DPP7: variants seen among roughly 807,000 people sequenced by gnomAD.
DPP7 encodes the protein dipeptidyl peptidase 2.
A neutral mutation model predicts 58.8 loss-of-function variants in DPP7; 74 were observed. That is an observed-to-expected ratio of 1.26 (90% CI 1.04 to 1.53). The LOEUF (loss-of-function observed/expected upper bound fraction) is 1.53, where lower values mean the gene tolerates loss of function less well. DPP7 is among the 40% of genes most tolerant of loss of function. The pLI is 0.00. For synonymous variants in DPP7, 350 were observed against 303.6 expected (o/e 1.15, Z -1.59); for missense variants, 807 against 692.3 (o/e 1.17, Z -1.86).
chr9:137,116,649 T>G (rs772593875), upstream of DPP7, among the ~76,000 whole-genome samples: 1 of 152,160 alleles, frequency 6.6e-6, no homozygotes, highest in Admixed American at 6.5e-5. Flanking sequence ...AAAGACCTGA[T>G]CGTCCCCCAG....
At chr9:137,116,400 A>G (rs1831639309), upstream of DPP7, among the ~76,000 whole-genome samples, 2 of 152,270 alleles carry the variant, frequency 1.3e-5, no homozygotes, top group Non-Finnish European at 2.9e-5. Context: ...CTGTGCCCAC[A>G]GAAACATGTG....
rs556219967 is a variant in DPP7, at chr9:137,113,240, C to T, written c.669G>A (p.Ala223=). The stretch of plus-strand genomic sequence containing the variant: ...GGAACAAGTCCTTGATCTGTCGGAA[C>T]GCTTCCCGCACACCCTGGGTGCATT... ...SPKCTQGVRE[A]FRQIKDLFLQ... Residue 223 remains alanine, a synonymous_variant, in exon 6 of 13, where the codon GCG becomes GCA. Coordinates refer to ENST00000371579, the MANE Select transcript of DPP7 (RefSeq NM_013379.3). The T allele has an allele frequency of 1.5e-5, 24 of 1,613,764 alleles. No homozygotes were observed. Among genetic ancestry groups the T allele is most frequent in the African/African-American group, 2.7e-5 (2 of 75,020 alleles).
In DPP7 at chr9:137,111,772, A is replaced by C; in HGVS notation, c.1208-18T>G. On this transcript the variant is annotated intron_variant, in intron 10 of 12. Coordinates refer to ENST00000371579, the MANE Select transcript of DPP7 (RefSeq NM_013379.3). ...TCTGAGATCTGCAAGGGGCAGAGAA[A>C]GTTGTGATGTGGGCCCCTCACGGGG... is the stretch of plus-strand genomic sequence containing the variant. 1 of 1,613,704 alleles carries C rather than the reference A, an allele frequency of 6.2e-7. No homozygotes were observed. The highest frequency in any genetic ancestry group is 8.5e-7 in the Non-Finnish European group (1 of 1,179,988).
chr9:137,110,661 CTG>C lies in DPP7; in HGVS notation c.1464_1465del (p.Arg489ThrfsTer?). 1 of 1,609,408 alleles carries C rather than the reference CTG, an allele frequency of 6.2e-7. No individual in the cohort carries two copies. Among genetic ancestry groups the C allele is most frequent in the Non-Finnish European group, 8.5e-7 (1 of 1,179,914 alleles). On this transcript the variant is annotated frameshift_variant, in exon 13 of 13. Transcript: ENST00000371579. LOFTEE classifies it high-confidence loss of function. ...CCAGTCCTGTGCTCAGAGGCTGAGT[CTG>C]GGCCCCCCACGCAGAGCTGGCTGCT...
Position 137,113,420 on chromosome 9 carries a change from G to A in DPP7, c.562C>T (p.Pro188Ser). Reference sequence around the variant, plus strand: ...CCGAGGCCTGCCACAGCTAGAACGGGCGCGCTGGCCGCCAGCGCCCCCGCC... The same window carrying A: ...CCGAGGCCTGCCACAGCTAGAACGGACGCGCTGGCCGCCAGCGCCCCCGCC... ...LVAGALAASA[P>S]VLAVAGLGDS... The change falls in exon 5 of 13, where the codon CCC (proline) becomes TCC (serine). Residue 188 changes from proline (P) to serine (S), a missense_variant. Pro to Ser is a moderately conservative substitution (Grantham distance 74). Transcript: ENST00000371579. 4 of 1,607,134 alleles carry A rather than the reference G, an allele frequency of 2.5e-6. No individual in the cohort carries two copies. Among genetic ancestry groups the A allele is most frequent in the Non-Finnish European group, 3.4e-6 (4 of 1,175,854 alleles).
chr9:137,114,678 C>T lies in DPP7; in HGVS notation c.36G>A (p.Leu12=). The T allele has an allele frequency of 7.4e-7, 1 of 1,357,484 alleles. No individual in the cohort carries two copies. Among genetic ancestry groups the T allele is most frequent in the Non-Finnish European group, 9.5e-7 (1 of 1,056,896 alleles). 84.1% of individuals were successfully genotyped at this position (1,357,484 alleles called of 1,614,324 possible). A position where few individuals can be genotyped will look rare whatever the true frequency, so the allele number is the denominator to read the frequency against. Residue 12 remains leucine (L), a synonymous_variant, in exon 1 of 13, where the codon CTG becomes CTA. Coordinates refer to ENST00000371579, the MANE Select transcript of DPP7 (RefSeq NM_013379.3). ...CCTGGAGGCCGCGCAGCCCGAGCGC[C>T]AGCAGCAGGACCGGGGCCCAGGGAG... The part of the protein sequence containing the change: ...GSAPWAPVLL[L]ALGLRGLQAG...
At chr9:137,114,164 G>A (rs1831525480) in intron 3 of DPP7, 79 bp downstream of exon 3, 1 of 423,632 alleles carries the variant, frequency 2.4e-6, no homozygotes, top group Non-Finnish European at 3.1e-6. Context: ...GCACCCGCGT[G>A]CCCCGCGACC....
Position 137,112,736 on chromosome 9 carries a change from G to A in DPP7, c.931+9C>T, listed in dbSNP as rs756858445. On this transcript the variant is annotated intron_variant, in intron 8 of 12. Coordinates refer to ENST00000371579, the MANE Select transcript of DPP7 (RefSeq NM_013379.3). ...CACACTTGCCCATCTGGGGCCGGGG[G>A]AAGGGCACCTGCCAGTGCTCGCAGC... is the stretch of plus-strand genomic sequence containing the variant. 12 of 1,596,986 alleles carry A rather than the reference G, an allele frequency of 7.5e-6. No homozygotes were observed. In the African/African-American group the frequency reaches 8.0e-5, roughly 11 times the overall value.
In DPP7 at chr9:137,111,881, C is replaced by A. The variant is rs758365401; in HGVS notation, c.1199G>T (p.Trp400Leu). The change falls in exon 10 of 13, where the codon TGG becomes TTG. Residue 400 changes from tryptophan (W) to leucine (L), a missense_variant. By Grantham distance (61) the Trp-to-Leu change is moderately conservative. Coordinates refer to ENST00000371579, the MANE Select transcript of DPP7 (RefSeq NM_013379.3). Reference protein sequence around the residue: ...PRPDWLLTSFWGGDLRAASNI... With the variant: ...PRPDWLLTSFLGGDLRAASNI... ...CCCCCCCTCAGCCTTACCACCCCCC[C>A]AGAAGCTGGTCAGCAGCCAGTCGGG... 1 of 1,609,142 alleles carries A rather than the reference C, an allele frequency of 6.2e-7. No homozygotes were observed. The highest frequency in any genetic ancestry group is 2.2e-5 in the East Asian group (1 of 44,806).
At chr9:137,115,373 C>T (rs868604349), upstream of DPP7, among the ~76,000 whole-genome samples, 179 of 152,304 alleles carry the variant, frequency 1.2e-3, 1 homozygote, top group African/African-American at 3.7e-3. Context: ...CTGCTGGGAG[C>T]TGGGGCCTCC....
At position 137,111,954 on chromosome 9, in the gene DPP7, C is replaced by G. The variant is rs916095987; in HGVS notation, c.1126G>C (p.Glu376Gln). 2 of 1,612,976 alleles carry G rather than the reference C, an allele frequency of 1.2e-6. No homozygotes were observed. The highest frequency in any genetic ancestry group is 1.1e-5 in the South Asian group (1 of 91,052). ...DMFPDLPFTD[E>Q]LRQRYCLDTW... ...TCCAGGCAGTACCGCTGGCGGAGCT[C>G]GTCAGTGAAGGGCAGGTCCGGGAAC... is the stretch of plus-strand genomic sequence containing the variant. Residue 376 changes from glutamate (E) to glutamine (Q), a missense_variant, in exon 10 of 13, where the codon GAG (glutamate) becomes CAG (glutamine). Glu to Gln is a conservative substitution (Grantham distance 29, BLOSUM62 2). This residue lies in a region of DPP7 where 624 missense variants were observed against 531.2 expected (regional missense o/e 1.17). Transcript: ENST00000371579.
rs775982764 is a variant in DPP7 at position 137,113,424 on chromosome 9, G to A, written c.558C>T (p.Ser186=). ...PHLVAGALAA[S]APVLAVAGLG... is the part of the protein sequence containing the mutation. ...GGCCTGCCACAGCTAGAACGGGCGC[G>A]CTGGCCGCCAGCGCCCCCGCCACCA... The change falls in exon 5 of 13, where the codon AGC becomes AGT. Residue 186 remains serine, a synonymous_variant. Transcript: ENST00000371579. The A allele has an allele frequency of 8.7e-6, 14 of 1,606,504 alleles. No homozygotes were observed. The highest frequency in any genetic ancestry group is 6.6e-5 in the South Asian group (6 of 90,838).
upstream of DPP7, among the ~76,000 whole-genome samples, chr9:137,116,494 A>C (rs566627814): frequency 1.2e-4 from 18 of 152,362 alleles, no homozygotes; most frequent in African/African-American, 4.3e-4. Context: ...TATGCTTGGT[A>C]AAAGTCATCG....
At chr9:137,115,705 C>T (rs969839948), upstream of DPP7, among the ~76,000 whole-genome samples, 5 of 152,054 alleles carry the variant, frequency 3.3e-5, no homozygotes, top group African/African-American at 1.2e-4. Flanking sequence ...CACAGAGGCA[C>T]CCCCCATGGT....
chr9:137,114,452 C>G lies in DPP7; in HGVS notation c.181+11G>C. 1 of 1,559,458 alleles carries G rather than the reference C, an allele frequency of 6.4e-7. No individual in the cohort carries two copies. Among genetic ancestry groups the G allele is most frequent in the Non-Finnish European group, 8.7e-7 (1 of 1,152,958 alleles). ...ACGGCGGGGGCGGCCGGGCCGGGGCCGGGGTCTCACCCGACACCAGGAAGC... is the reference window on the plus strand; with the variant it reads ...ACGGCGGGGGCGGCCGGGCCGGGGCGGGGGTCTCACCCGACACCAGGAAGC... On this transcript the variant is annotated intron_variant, in intron 2 of 12. Transcript: ENST00000371579.
Position 137,113,976 on chromosome 9 carries a change from T to A in DPP7, c.374A>T (p.His125Leu). The A allele has an allele frequency of 6.3e-7, 1 of 1,580,686 alleles. No homozygotes were observed. The highest frequency in any genetic ancestry group is 8.6e-7 in the Non-Finnish European group (1 of 1,168,014). ...CTGCTCCACCGTCAGCAGCTCCGTG[T>A]GCCCGCGCTGCGTGGACTGCGCACC... ...PFGAQSTQRGHTELLTVEQAL... is the reference protein window; with the variant it reads ...PFGAQSTQRGLTELLTVEQAL... The change falls in exon 4 of 13, where the codon CAC (histidine) becomes CTC (leucine). Residue 125 changes from histidine (H) to leucine (L), a missense_variant. By Grantham distance (99) the His-to-Leu change is moderately conservative (BLOSUM62 -3). This residue lies in a region of DPP7 where 624 missense variants were observed against 531.2 expected (regional missense o/e 1.17). Transcript: ENST00000371579.
At chr9:137,111,248 C>T (rs1831348257) in intron 11 of DPP7, among the ~76,000 whole-genome samples, 1 of 146,562 alleles carries the variant, frequency 6.8e-6, no homozygotes, top group Non-Finnish European at 1.5e-5. Flanking sequence ...GAGGGTGAGA[C>T]GGGAGCAGGG....
At chr9:137,113,735 G>A (rs942870082) in intron 4 of DPP7, 130 bp downstream of exon 4, 1 of 1,419,462 alleles carries the variant, frequency 7.0e-7, no homozygotes, top group African/African-American at 1.4e-5. Flanking sequence ...GCAACACTAA[G>A]CCTGGAACCA....
At chr9:137,117,540 G>A (rs1217586019), upstream of DPP7, among the ~76,000 whole-genome samples, 5 of 152,314 alleles carry the variant, frequency 3.3e-5, no homozygotes, top group Admixed American at 3.3e-4. Flanking sequence ...AGGTCCATCT[G>A]CCCTCTCCAG....
Sources: allele counts gnomAD v4.1 joint callset (sites outside exome capture counted in the v4.1 genomes callset), GRCh38; gene constraint gnomAD v4.1.1; regional missense constraint gnomAD v4.1.1; transcripts MANE v1.5; gene names NCBI Gene and HGNC (gene_info 2026-07-23, HGNC 2026-07-21).